The following TASOR variants were observed in gnomAD, a reference collection of about 807,000 sequenced individuals.
TASOR encodes the protein protein TASOR.
TASOR carries 53 observed loss-of-function variants against 178.6 expected under a neutral mutation model. The observed-to-expected ratio is 0.30, with a 90% CI of 0.24 to 0.37. The LOEUF is 0.37. Ranked by LOEUF, TASOR falls within the 10% of genes least tolerant of loss-of-function variation. The pLI is 1.00. For synonymous variants in TASOR, 713 were observed against 696.2 expected (o/e 1.02, Z -0.38); for missense variants, 1,815 against 1,971.4 (o/e 0.92, Z 1.50).
At chr3:56,676,837 C>G (rs1244772306) in intron 1 of TASOR, among the ~76,000 whole-genome samples, 5 of 152,010 alleles carry the variant, frequency 3.3e-5, no homozygotes, top group African/African-American at 1.2e-4. Context: ...AAGCAATGTC[C>G]AAGTCATGTC....
rs1476291599 is a variant in TASOR at position 56,624,558 on chromosome 3, A to AT, written c.4403dup (p.Asn1468LysfsTer20). On this transcript the variant is annotated frameshift_variant, in exon 23 of 24. Coordinates refer to ENST00000683822, the MANE Select transcript of TASOR (RefSeq NM_001365635.2). LOFTEE classifies it high-confidence loss of function. ...TGATTGAATTGTGATAGCCCACAAG[A>AT]TTTTTAAAGTTTTGCATGAAGTCTT... The AT allele has an allele frequency of 3.1e-6, 5 of 1,614,134 alleles. No individual in the cohort carries two copies. The highest frequency in any genetic ancestry group is 4.2e-6 in the Non-Finnish European group (5 of 1,180,002).
intron 11 of TASOR, among the ~76,000 whole-genome samples, chr3:56,652,754 A>G (rs552767574): frequency 3.6e-4 from 55 of 152,204 alleles, no homozygotes; most frequent in Non-Finnish European, 7.8e-4. Flanking sequence ...GATCCAAAAA[A>G]ATTCAAATGT....
At chr3:56,677,481 A>C (rs1011682852) in intron 1 of TASOR, among the ~76,000 whole-genome samples, 1 of 152,198 alleles carries the variant, frequency 6.6e-6, no homozygotes, top group African/African-American at 2.4e-5. Flanking sequence ...TCTCAATTGA[A>C]ACTGAGACAA....
chr3:56,678,364 A>G (rs1251212228), intron 1 of TASOR, among the ~76,000 whole-genome samples: 1 of 151,160 alleles, frequency 6.6e-6, no homozygotes. Flanking sequence ...TGTATTTTTA[A>G]TAGAGTCAGG....
In TASOR at chr3:56,639,885, C is replaced by T. The variant is rs1394755619; in HGVS notation, c.2764+101G>A. ...TGTCAGCACCAATTAAGATGAAGCA[C>T]CTAGTGACCCAAGAGTGAAATCCAC... On this transcript the variant is annotated intron_variant, in intron 16 of 23. Transcript: ENST00000683822. 3 of 995,158 alleles carry T rather than the reference C, an allele frequency of 3.0e-6. No homozygotes were observed. The African/African-American group carries it at 4.9e-5, about 16-fold the overall frequency. The allele number at this position is 995,158 out of a possible 1,614,324, so 61.6% of individuals were successfully genotyped here. A position where few individuals can be genotyped will look rare whatever the true frequency, so the allele number is the denominator to read the frequency against.
chr3:56,646,461 C>T (rs547200849), intron 14 of TASOR, 61 bp downstream of exon 14: 1 of 1,388,550 alleles, frequency 7.2e-7, no homozygotes, highest in Admixed American at 2.3e-5. Flanking sequence ...CGCCCCTCTG[C>T]TACAAGAAAG....
At position 56,666,938 on chromosome 3, in the gene TASOR, C is replaced by T. The variant is rs556025886; in HGVS notation, c.898-554G>A. 8.5e-5 allele frequency among the ~76,000 whole-genome samples: 13 copies of T among 152,322 alleles called. 1 individual carries two copies. The South Asian group carries it at 2.7e-3, about 32-fold the overall frequency. On this transcript the variant is annotated intron_variant, in intron 6 of 23. Transcript: ENST00000683822. ...CATTCAGTATAGTACAGTTTTGTAA[C>T]TTTCAGAGTAGTGATTTTCACTTTA...
At chr3:56,634,877 G>A (rs888944308) in intron 17 of TASOR, among the ~76,000 whole-genome samples, 2 of 152,036 alleles carry the variant, frequency 1.3e-5, no homozygotes, top group Non-Finnish European at 2.9e-5. Flanking sequence ...AAGCAACAAG[G>A]GGAAAAATAT....
At chr3:56,652,517 GCA>G (rs2077373187) in intron 11 of TASOR, among the ~76,000 whole-genome samples, 1 of 149,400 alleles carries the variant, frequency 6.7e-6, no homozygotes, top group African/African-American at 2.5e-5. Context: ...TCACACCACT[GCA>G]CTCCAGCCTG....
chr3:56,627,801 G>C, intron 19 of TASOR, 60 bp from the exon 20 acceptor site: 9 of 1,510,276 alleles, frequency 6.0e-6, no homozygotes, highest in Non-Finnish European at 7.3e-6. Context: ...ACAGACTCAA[G>C]TGTGAAGGAA....
At chr3:56,641,060 C>T (rs1424102695) in intron 15 of TASOR, among the ~76,000 whole-genome samples, 2 of 152,058 alleles carry the variant, frequency 1.3e-5, no homozygotes, top group Non-Finnish European at 2.9e-5. Context: ...GAATTAACTC[C>T]CAATAAGCCA....
At chr3:56,663,490 T>C (rs2107615812) in intron 8 of TASOR, 51 bp downstream of exon 8, 2 of 943,198 alleles carry the variant, frequency 2.1e-6, no homozygotes, top group South Asian at 1.8e-5. Context: ...TCTTTTGCTA[T>C]ATGTACTTAT....
In TASOR at chr3:56,682,988, T is replaced by C. The variant is rs1259969877; in HGVS notation, c.19A>G (p.Thr7Ala). Residue 7 changes from threonine to alanine, a missense_variant, in exon 1 of 24, where the codon ACG becomes GCG. Physicochemically the swap from Thr to Ala is moderately conservative, Grantham distance 58. Coordinates refer to ENST00000683822, the MANE Select transcript of TASOR (RefSeq NM_001365635.2). MATAVE[T>A]EACQPTDASW... The stretch of plus-strand genomic sequence containing the variant: ...GCATCCGTCGGCTGACAGGCCTCCG[T>C]CTCCACAGCAGTCGCCATCGCGCCG... The C allele has an allele frequency of 2.6e-6, 4 of 1,547,490 alleles. No individual in the cohort carries two copies. The African/African-American group carries it at 4.1e-5, about 16-fold the overall frequency.
At chr3:56,625,435 A>T (rs1261120389) in intron 21 of TASOR, among the ~76,000 whole-genome samples, 3 of 152,118 alleles carry the variant, frequency 2.0e-5, no homozygotes, top group African/African-American at 7.2e-5. Context: ...ATCACCTGAG[A>T]TCAGGAGTTC....
At chr3:56,656,798 T>C (rs1441678800) in intron 11 of TASOR, among the ~76,000 whole-genome samples, 2 of 151,302 alleles carry the variant, frequency 1.3e-5, no homozygotes, top group Non-Finnish European at 2.9e-5. Flanking sequence ...GATGATGAGG[T>C]CAGGAGTTCG....
rs150826687 is a variant in TASOR, at chr3:56,648,867, G to A, written c.1468C>T (p.Leu490=). ...TCTTGAAATAGAAACAAAGCATGTA[G>A]GACTCGAGACTTGGCAGTCTGATAT... ...YEYQTAKSRV[L]HALFLFQEPR... The change falls in exon 13 of 24, where the codon CTA becomes TTA. Residue 490 remains leucine (L), a synonymous_variant. Coordinates refer to ENST00000683822, the MANE Select transcript of TASOR (RefSeq NM_001365635.2). 6.2e-7 allele frequency: 1 copy of A among 1,612,426 alleles called. No homozygotes were observed. Among genetic ancestry groups the A allele is most frequent in the Non-Finnish European group, 8.5e-7 (1 of 1,179,428 alleles).
chr3:56,624,646 A>G lies in TASOR; in HGVS notation c.4319-3T>C. ...GGAAAGCATCTTGATGTTCTTCTCT[A>G]AATTAAGAAAAAAAGTTTCATGTAT... On this transcript the variant is annotated splice_polypyrimidine_tract_variant and splice_region_variant and intron_variant, in intron 22 of 23. Coordinates refer to ENST00000683822, the MANE Select transcript of TASOR (RefSeq NM_001365635.2). 6.2e-7 allele frequency: 1 copy of G among 1,606,542 alleles called. No homozygotes were observed. The highest frequency in any genetic ancestry group is 8.5e-7 in the Non-Finnish European group (1 of 1,177,380).
In TASOR at chr3:56,647,307, G is replaced by A. The variant is rs553783701; in HGVS notation, c.1514-84C>T. 9 of 1,123,278 alleles carry A rather than the reference G, an allele frequency of 8.0e-6. No homozygotes were observed. In the East Asian group the frequency reaches 2.0e-4, roughly 25 times the overall value. The allele number at this position is 1,123,278 out of a possible 1,614,324, so 69.6% of individuals were successfully genotyped here. A position where few individuals can be genotyped will look rare whatever the true frequency, so the allele number is the denominator to read the frequency against. On this transcript the variant is annotated intron_variant, in intron 13 of 23. Coordinates refer to ENST00000683822, the MANE Select transcript of TASOR (RefSeq NM_001365635.2). ...AAATACAGATCTAAATATTGCCAAA[G>A]AAGTATAAAAACATTTATACATTAA...
In TASOR at chr3:56,683,032, A is replaced by C. The variant is rs1168852491; in HGVS notation, c.-26T>G. ...CGCGCCGGCCTAAGGAGCTCTGGGAAGCTTCTGCCCACAAGGTCGACGGGT... is the reference window on the plus strand; with the variant it reads ...CGCGCCGGCCTAAGGAGCTCTGGGACGCTTCTGCCCACAAGGTCGACGGGT... On this transcript the variant is annotated 5_prime_UTR_variant, in exon 1 of 24. Transcript: ENST00000683822. 4 of 1,503,604 alleles carry C rather than the reference A, an allele frequency of 2.7e-6. No individual in the cohort carries two copies. Among genetic ancestry groups the C allele is most frequent in the Non-Finnish European group, 3.6e-6 (4 of 1,124,542 alleles). The allele number at this position is 1,503,604 out of a possible 1,614,324, so 93.1% of individuals were successfully genotyped here. A position where few individuals can be genotyped will look rare whatever the true frequency, so the allele number is the denominator to read the frequency against.
Sources: gnomAD v4.1 joint callset for allele counts (sites outside exome capture counted in the v4.1 genomes callset) on GRCh38, gnomAD v4.1.1 for gene constraint, MANE v1.5 for transcripts, NCBI Gene and HGNC (gene_info 2026-07-23, HGNC 2026-07-21) for gene names.